The following ALMS1 variants were observed in gnomAD, a reference collection of about 807,000 sequenced individuals.
ALMS1 encodes the protein centrosome-associated protein ALMS1.
In ALMS1, 271 loss-of-function variants were observed where a neutral mutation model predicts 352.2. The observed-to-expected ratio is 0.77, with a 90% confidence interval of 0.70 to 0.85. The LOEUF (loss-of-function observed/expected upper bound fraction) is 0.85, where lower values mean the gene tolerates loss of function less well. ALMS1 is among the 40% of genes least tolerant of loss of function. ALMS1 has a pLI of 0.00. For missense variants in ALMS1, 5,445 were observed against 4,870.7 expected (o/e 1.12, Z -3.51); for synonymous variants, 1,865 against 1,761.2 (o/e 1.06, Z -1.48).
At chr2:73,540,602 C>A (rs1048898781) in intron 12 of ALMS1, among the ~76,000 whole-genome samples, 2 of 152,160 alleles carry the variant, frequency 1.3e-5, no homozygotes, top group East Asian at 1.9e-4. Flanking sequence ...AGTCAAGACC[C>A]ATCCGTGTGC....
At chr2:73,555,292 T>G (rs1261471825) in intron 13 of ALMS1, among the ~76,000 whole-genome samples, 3 of 152,124 alleles carry the variant, frequency 2.0e-5, no homozygotes, top group Non-Finnish European at 4.4e-5. Flanking sequence ...AACAGAATGG[T>G]GACCCAGAAA....
rs781509330 is a variant in ALMS1 at position 73,449,935 on chromosome 2, A to G, written c.3408A>G (p.Thr1136=). Residue 1136 remains threonine (T), a synonymous_variant, in exon 8 of 23, where the codon ACA becomes ACG. Transcript: ENST00000613296. ...GACTAGCAGACCAGAAGACTGGCACACCAACTGTAACCTCAACTTCCTACT... is the reference window on the plus strand; with the variant it reads ...GACTAGCAGACCAGAAGACTGGCACGCCAACTGTAACCTCAACTTCCTACT... The part of the protein sequence containing the change: ...APGLADQKTG[T]PTVTSTSYSQ... 1 of 1,614,032 alleles carries G rather than the reference A, an allele frequency of 6.2e-7. No individual in the cohort carries two copies. The highest frequency in any genetic ancestry group is 8.5e-7 in the Non-Finnish European group (1 of 1,179,970).
intron 7 of ALMS1, among the ~76,000 whole-genome samples, chr2:73,447,637 T>G (rs754604034): frequency 1.3e-5 from 2 of 152,146 alleles, no homozygotes; most frequent in Non-Finnish European, 2.9e-5. Flanking sequence ...GTAAGTAGGG[T>G]GAAATCAAAT....
chr2:73,530,347 A>T (rs1673882870), intron 11 of ALMS1, among the ~76,000 whole-genome samples: 1 of 152,212 alleles, frequency 6.6e-6, no homozygotes, highest in Non-Finnish European at 1.5e-5. Flanking sequence ...GCCCCATGCA[A>T]GTTGAAAACC....
chr2:73,552,844 G>A (rs1361892151), intron 13 of ALMS1, among the ~76,000 whole-genome samples: 1 of 152,120 alleles, frequency 6.6e-6, no homozygotes, highest in African/African-American at 2.4e-5. Context: ...AATTCTCAGT[G>A]GAAGGGGTGG....
At chr2:73,414,401 C>T (rs1473834381) in intron 2 of ALMS1, among the ~76,000 whole-genome samples, 2 of 146,958 alleles carry the variant, frequency 1.4e-5, no homozygotes, top group Non-Finnish European at 3.0e-5. Flanking sequence ...TCCTTTAGGA[C>T]TTTATATGCA....
At chr2:73,426,583 A>G (rs1461880432) in intron 6 of ALMS1, 30 bp downstream of exon 6, 2 of 1,601,580 alleles carry the variant, frequency 1.2e-6, no homozygotes, top group Non-Finnish European at 1.7e-6. Context: ...TAGTTGTAAG[A>G]AACGTGGCCT....
chr2:73,601,884 T>C (rs1016012936), intron 19 of ALMS1, among the ~76,000 whole-genome samples: 1 of 152,250 alleles, frequency 6.6e-6, no homozygotes, highest in Non-Finnish European at 1.5e-5. Flanking sequence ...TTTGTCTGAA[T>C]AGATCTTTAA....
intron 2 of ALMS1, 89 bp from the exon 3 acceptor site, chr2:73,419,034 A>G: frequency 9.2e-7 from 1 of 1,092,392 alleles, no homozygotes; most frequent in Non-Finnish European, 1.4e-6. Context: ...GAAGCTATAT[A>G]ATACATGAGT....
chr2:73,387,834 A>G (rs886115157), intron 1 of ALMS1, among the ~76,000 whole-genome samples: 3 of 152,172 alleles, frequency 2.0e-5, no homozygotes, highest in African/African-American at 7.2e-5. Flanking sequence ...TGCCCGGCAA[A>G]AGATGATGAA....
intron 9 of ALMS1, among the ~76,000 whole-genome samples, chr2:73,468,288 A>G (rs1318602506): frequency 1.3e-5 from 2 of 151,620 alleles, no homozygotes; most frequent in Admixed American, 6.6e-5. Context: ...ACATAGAGAA[A>G]TACACTGTAT....
intron 9 of ALMS1, among the ~76,000 whole-genome samples, chr2:73,478,267 A>G (rs1672622535): frequency 6.6e-6 from 1 of 152,204 alleles, no homozygotes; most frequent in Non-Finnish European, 1.5e-5. Context: ...TTACTTGGAA[A>G]TGGTTATGTG....
At chr2:73,403,137 A>G (rs886190727) in intron 1 of ALMS1, among the ~76,000 whole-genome samples, 1 of 152,010 alleles carries the variant, frequency 6.6e-6, no homozygotes. Flanking sequence ...TTTCCCATAT[A>G]TTTTCTTCTA....
intron 1 of ALMS1, among the ~76,000 whole-genome samples, chr2:73,389,445 A>G (rs1670599189): frequency 6.6e-6 from 1 of 152,076 alleles, no homozygotes; most frequent in South Asian, 2.1e-4. Context: ...TTCTAGTTTA[A>G]TTAAGTTCCA....
intron 21 of ALMS1, among the ~76,000 whole-genome samples, chr2:73,607,424 AC>A (rs1464393158): frequency 1.3e-5 from 2 of 151,804 alleles, no homozygotes; most frequent in African/African-American, 2.4e-5. Context: ...TTGCCACCCA[AC>A]CCCTGCTAGA....
rs562960850 is a variant in ALMS1, at chr2:73,540,227, A to G, written c.9907+5278A>G. On this transcript the variant is annotated intron_variant, in intron 12 of 22. Transcript: ENST00000613296. ...GGGGGCCAGTATTCAACATTCTTAA[A>G]GAAAAGAATTTTCAACCCAGAATTT... Among the ~76,000 whole-genome samples, 7 of 152,352 alleles carry G rather than the reference A, an allele frequency of 4.6e-5. No individual in the cohort carries two copies. The East Asian group carries it at 1.2e-3, about 25-fold the overall frequency.
chr2:73,571,456 T>TTG (rs1260309879), intron 15 of ALMS1, among the ~76,000 whole-genome samples: 2 of 152,144 alleles, frequency 1.3e-5, no homozygotes, highest in Non-Finnish European at 2.9e-5. Context: ...AAATGGTGTC[T>TTG]TGTTGCTTTG....
intron 15 of ALMS1, among the ~76,000 whole-genome samples, chr2:73,561,635 GAGTT>G (rs1674664456): frequency 1.3e-5 from 2 of 152,122 alleles, no homozygotes; most frequent in Admixed American, 6.5e-5. Context: ...CAAGATGAAA[GAGTT>G]AGAGATTGTT....
chr2:73,479,465 T>C (rs1672650038), intron 9 of ALMS1, among the ~76,000 whole-genome samples: 1 of 152,244 alleles, frequency 6.6e-6, no homozygotes, highest in Non-Finnish European at 1.5e-5. Flanking sequence ...ATATAAATGA[T>C]AACATATAGT....
Sources: gnomAD v4.1 joint callset for allele counts (sites outside exome capture counted in the v4.1 genomes callset) on GRCh38, gnomAD v4.1.1 for gene constraint, MANE v1.5 for transcripts, NCBI Gene and HGNC (gene_info 2026-07-23, HGNC 2026-07-21) for gene names.